SEMA3A: variants seen among roughly 807,000 people sequenced by gnomAD.
SEMA3A encodes semaphorin 3A, also known as semaphorin-3A.
A neutral mutation model predicts 97.9 loss-of-function variants in SEMA3A; 29 were observed. That is an observed-to-expected ratio of 0.30 (90% confidence interval 0.22 to 0.40). The LOEUF (loss-of-function observed/expected upper bound fraction) is 0.40. Ranked by LOEUF, SEMA3A falls within the 10% of genes least tolerant of loss-of-function variation. SEMA3A has a pLI of 1.00. For synonymous variants in SEMA3A, 321 were observed against 323.7 expected (o/e 0.99, Z 0.09); for missense variants, 763 against 951.3 (o/e 0.80, Z 2.60).
chr7:84,032,337 C>T (rs192920053), intron 6 of SEMA3A, among the ~76,000 whole-genome samples: 56 of 152,120 alleles, frequency 3.7e-4, no homozygotes, highest in African/African-American at 1.0e-3. Context: ...AACATGAATG[C>T]GATTATAGAT....
chr7:83,995,795 C>T (rs1030711740), intron 12 of SEMA3A, among the ~76,000 whole-genome samples: 1 of 152,178 alleles, frequency 6.6e-6, no homozygotes, highest in African/African-American at 2.4e-5. Flanking sequence ...TAAACTTTCT[C>T]ACTTGCAAAG....
intron 1 of SEMA3A, among the ~76,000 whole-genome samples, chr7:84,424,582 A>C (rs1436944791): frequency 1.3e-5 from 1 of 77,384 alleles, no homozygotes; most frequent in Non-Finnish European, 2.0e-5. Context: ...ATTAATATAT[A>C]TTATATATAA....
At chr7:84,355,820 G>A (rs913556337) in intron 2 of SEMA3A, among the ~76,000 whole-genome samples, 2 of 151,796 alleles carry the variant, frequency 1.3e-5, no homozygotes, top group Non-Finnish European at 2.9e-5. Flanking sequence ...ATAAAAGACC[G>A]AGAAGAAAAG....
chr7:84,187,482 C>T (rs1210252068), intron 1 of SEMA3A, among the ~76,000 whole-genome samples: 2 of 152,054 alleles, frequency 1.3e-5, no homozygotes, highest in African/African-American at 4.8e-5. Flanking sequence ...TTTCCTATCT[C>T]TTAGCTGCAG....
At chr7:84,271,289 G>A (rs1223834251) in intron 3 of SEMA3A, among the ~76,000 whole-genome samples, 1 of 152,040 alleles carries the variant, frequency 6.6e-6, no homozygotes. Context: ...CTGGGCTCAC[G>A]CAATCCTCCC....
intron 1 of SEMA3A, among the ~76,000 whole-genome samples, chr7:84,446,289 T>C (rs1379294835): frequency 6.6e-6 from 1 of 152,166 alleles, no homozygotes; most frequent in Admixed American, 6.5e-5. Flanking sequence ...AACACAAATC[T>C]TTCTCAAATT....
intron 3 of SEMA3A, among the ~76,000 whole-genome samples, chr7:84,255,567 T>G (rs1799699447): frequency 6.6e-6 from 1 of 152,160 alleles, no homozygotes; most frequent in South Asian, 2.1e-4. Flanking sequence ...TGAGTATTTC[T>G]GGAGTCTACA....
chr7:83,968,804 CTTTT>C (rs34837012), intron 15 of SEMA3A, among the ~76,000 whole-genome samples: 39 of 86,958 alleles, frequency 4.5e-4, no homozygotes, highest in African/African-American at 1.1e-3. Flanking sequence ...CTTTTCTTTC[CTTTT>C]TTTTTTTTTT....
intron 1 of SEMA3A, among the ~76,000 whole-genome samples, chr7:84,138,844 T>C (rs1173160384): frequency 6.6e-6 from 1 of 152,114 alleles, no homozygotes; most frequent in Non-Finnish European, 1.5e-5. Context: ...ATCACCACTT[T>C]CCAGTGTGAG....
chr7:84,406,619 T>C (rs1804097983), intron 1 of SEMA3A, among the ~76,000 whole-genome samples: 2 of 152,118 alleles, frequency 1.3e-5, no homozygotes, highest in Non-Finnish European at 2.9e-5. Context: ...TTTAGACCAA[T>C]ATCCTTGATG....
chr7:84,252,883 T>C (rs1412307076), intron 3 of SEMA3A, among the ~76,000 whole-genome samples: 3 of 152,110 alleles, frequency 2.0e-5, no homozygotes, highest in East Asian at 3.9e-4. Flanking sequence ...ATTTTTATTT[T>C]ATTTTATTTT....
chr7:84,128,771 A>T (rs553574374), intron 3 of SEMA3A, among the ~76,000 whole-genome samples: 1 of 152,214 alleles, frequency 6.6e-6, no homozygotes, highest in South Asian at 2.1e-4. Flanking sequence ...GCAATCCTCC[A>T]AAATCTGAAA....
chr7:84,281,272 G>A lies in SEMA3A; in HGVS notation c.-83+25935C>T, dbSNP rs59693860. Among the ~76,000 whole-genome samples the A allele has an allele frequency of 0.013, 1,936 of 152,238 alleles. 61 individuals are homozygous for A. In the East Asian group the frequency reaches 0.14, roughly 11 times the overall value. ...ATGAGGGTTGGATTGAGGAGGCTGGGAGCAGAATAGAGATCATCCATAGAG... is the reference window on the plus strand; with the variant it reads ...ATGAGGGTTGGATTGAGGAGGCTGGAAGCAGAATAGAGATCATCCATAGAG... On this transcript the variant is annotated intron_variant, in intron 3 of 3. Transcript: ENST00000424555.
intron 3 of SEMA3A, 136 bp from the exon 4 acceptor site, chr7:84,110,725 T>C (rs1162864441): frequency 1.1e-5 from 10 of 881,830 alleles, no homozygotes; most frequent in Admixed American, 5.2e-5. Context: ...TTTCACAACA[T>C]TTTAAGGACT....
chr7:84,009,451 T>C (rs1407421914), intron 9 of SEMA3A, among the ~76,000 whole-genome samples: 1 of 152,226 alleles, frequency 6.6e-6, no homozygotes, highest in Non-Finnish European at 1.5e-5. Flanking sequence ...AAGCAATTTG[T>C]AATGGCTTTA....
At chr7:84,188,071 A>G (rs1436841493) in intron 1 of SEMA3A, among the ~76,000 whole-genome samples, 2 of 152,074 alleles carry the variant, frequency 1.3e-5, no homozygotes, top group Non-Finnish European at 2.9e-5. Flanking sequence ...TTTGGTCAAC[A>G]TAGTTTCCCA....
chr7:84,102,975 C>CT (rs1444003217), intron 4 of SEMA3A, among the ~76,000 whole-genome samples: 2 of 151,906 alleles, frequency 1.3e-5, no homozygotes, highest in African/African-American at 4.8e-5. Context: ...TTGACAGTAA[C>CT]TAAGTATATG....
chr7:84,096,875 A>T (rs182537307), intron 4 of SEMA3A, among the ~76,000 whole-genome samples: 2 of 152,184 alleles, frequency 1.3e-5, no homozygotes, highest in African/African-American at 4.8e-5. Flanking sequence ...ATTATTATAC[A>T]TTTCTAGAAA....
At chr7:84,376,904 T>C (rs2116123405) in intron 1 of SEMA3A, among the ~76,000 whole-genome samples, 1 of 152,286 alleles carries the variant, frequency 6.6e-6, no homozygotes, top group African/African-American at 2.4e-5. Context: ...TTGAGATTTT[T>C]GTATATTATG....
Sources: gnomAD v4.1 joint callset for allele counts (sites outside exome capture counted in the v4.1 genomes callset) on GRCh38, gnomAD v4.1.1 for gene constraint, MANE v1.5 for transcripts, NCBI Gene and HGNC (gene_info 2026-07-23, HGNC 2026-07-21) for gene names.